LOC400499: variants seen among roughly 807,000 people sequenced by gnomAD.
the LOC400499 span, chr16:11,424,078 A>C: frequency 5.0e-6 from 2 of 399,034 alleles, no homozygotes; most frequent in African/African-American, 4.1e-5. Flanking sequence ...GGCCCCCGAG[A>C]GGGCCCGGGT....
the LOC400499 span, among the ~76,000 whole-genome samples, chr16:11,489,045 C>A: frequency 1.3e-5 from 2 of 152,208 alleles, no homozygotes; most frequent in African/African-American, 4.8e-5. Context: ...GCCAACAAGT[C>A]GTGCCTGAAC....
the LOC400499 span, chr16:11,404,818 C>T: frequency 2.5e-6 from 1 of 399,016 alleles, no homozygotes; most frequent in South Asian, 1.3e-4. Context: ...GTCCCATGAG[C>T]TCGCTCGTAT....
At chr16:11,437,607 C>A in the LOC400499 span, among the ~76,000 whole-genome samples, 37 of 152,062 alleles carry the variant, frequency 2.4e-4, 3 homozygotes. Flanking sequence ...GCAGCTCACA[C>A]CAGTAATCCC....
the LOC400499 span, among the ~76,000 whole-genome samples, chr16:11,407,744 G>C: frequency 6.6e-6 from 1 of 151,912 alleles, no homozygotes; most frequent in African/African-American, 2.4e-5. Context: ...TGAGAGGTGA[G>C]TGATCTCCAG....
chr16:11,453,087 A>G, the LOC400499 span, among the ~76,000 whole-genome samples: 1 of 152,174 alleles, frequency 6.6e-6, no homozygotes, highest in African/African-American at 2.4e-5. Context: ...GCAGAGAACT[A>G]GCACTCACTC....
chr16:11,481,151 A>C, the LOC400499 span, among the ~76,000 whole-genome samples: 2 of 152,222 alleles, frequency 1.3e-5, no homozygotes, highest in African/African-American at 4.8e-5. Flanking sequence ...AGAAGAGGTA[A>C]ATCCATAGAG....
the LOC400499 span, chr16:11,471,891 G>A: frequency 7.5e-6 from 3 of 398,796 alleles, no homozygotes; most frequent in African/African-American, 4.1e-5. Context: ...GCCCGCAGCT[G>A]CCACATCAGC....
chr16:11,479,785 C>G, the LOC400499 span, among the ~76,000 whole-genome samples: 1 of 152,188 alleles, frequency 6.6e-6, no homozygotes, highest in Non-Finnish European at 1.5e-5. Flanking sequence ...CAACTAAACT[C>G]CAGAGGTCAT....
At chr16:11,435,837 C>T in the LOC400499 span, 8 of 399,164 alleles carry the variant, frequency 2.0e-5, no homozygotes, top group Admixed American at 8.8e-5. Flanking sequence ...GATAGAGACC[C>T]GTTGAGGCTG....
the LOC400499 span, chr16:11,435,932 G>T: frequency 5.0e-6 from 2 of 398,936 alleles, no homozygotes; most frequent in Non-Finnish European, 8.8e-6. Flanking sequence ...CTGGGTGTGG[G>T]GGAGGGCTGC....
At chr16:11,419,945 C>A in the LOC400499 span, among the ~76,000 whole-genome samples, 10 of 151,128 alleles carry the variant, frequency 6.6e-5, no homozygotes, top group African/African-American at 2.5e-4. Flanking sequence ...CAGGAAACAA[C>A]AGATGCTGGC....
chr16:11,428,442 G>C, the LOC400499 span, among the ~76,000 whole-genome samples: 4 of 152,248 alleles, frequency 2.6e-5, no homozygotes, highest in African/African-American at 9.6e-5. Context: ...CCAAAGTGTT[G>C]AGATTACAGG....
the LOC400499 span, chr16:11,401,144 A>G: frequency 2.5e-6 from 1 of 397,868 alleles, no homozygotes; most frequent in Non-Finnish European, 4.4e-6. Context: ...GATTCCGGAG[A>G]AGTCTTTGTC....
the LOC400499 span, chr16:11,456,968 G>C: frequency 2.0e-6 from 3 of 1,536,146 alleles, no homozygotes; most frequent in African/African-American, 4.1e-5. Flanking sequence ...TCTCCACATA[G>C]GGCAGGCGGA....
the LOC400499 span, chr16:11,404,831 G>A: frequency 4.5e-5 from 18 of 398,864 alleles, no homozygotes; most frequent in Admixed American, 8.8e-5. Flanking sequence ...GCTCGTATGC[G>A]GTCTGCAGGA....
the LOC400499 span, chr16:11,478,763 C>G: frequency 3.0e-5 from 12 of 398,428 alleles, no homozygotes; most frequent in East Asian, 3.2e-4. Flanking sequence ...TGTCCCCACC[C>G]AAATCTCATC....
At chr16:11,441,140 G>C in the LOC400499 span, 1 of 398,592 alleles carries the variant, frequency 2.5e-6, no homozygotes, top group Non-Finnish European at 4.4e-6. Flanking sequence ...GCCTGCAGAA[G>C]CTACCCTGGG....
chr16:11,424,225 C>T, the LOC400499 span: 40 of 399,118 alleles, frequency 1.0e-4, no homozygotes, highest in South Asian at 2.5e-4. Context: ...TCGGGGGTCA[C>T]GTCCTCCAGG....
the LOC400499 span, among the ~76,000 whole-genome samples, chr16:11,521,276 C>A: frequency 9.9e-5 from 15 of 152,024 alleles, no homozygotes; most frequent in Non-Finnish European, 1.6e-4. Context: ...AACTAAAAGG[C>A]CTTTTATGTG....
Sources: allele counts gnomAD v4.1 joint callset (sites outside exome capture counted in the v4.1 genomes callset), GRCh38; gene constraint gnomAD v4.1.1; transcripts MANE v1.5.